The following PRKN variants were observed in gnomAD, a reference collection of about 807,000 sequenced individuals.
PRKN encodes parkin RBR E3 ubiquitin protein ligase, also known as E3 ubiquitin-protein ligase parkin.
In PRKN, 56 loss-of-function variants were observed where a neutral mutation model predicts 59.5. That is an observed-to-expected ratio of 0.94 (90% CI 0.76 to 1.18). The LOEUF is 1.18. Among genes scored for constraint, PRKN ranks in the 50% most tolerant of loss-of-function variants. The probability of loss-of-function intolerance (pLI) is 0.00; values close to 1 mark genes in which losing one functional copy is unlikely to be tolerated. For synonymous variants in PRKN, 250 were observed against 222.1 expected (o/e 1.13, Z -1.12); for missense variants, 657 against 596.4 (o/e 1.10, Z -1.06).
At chr6:161,863,028 T>C (rs1338827062) in intron 6 of PRKN, among the ~76,000 whole-genome samples, 1 of 152,140 alleles carries the variant, frequency 6.6e-6, no homozygotes, top group Non-Finnish European at 1.5e-5. Context: ...TCAAGAAGAA[T>C]CAAGCTGCTT....
intron 2 of PRKN, among the ~76,000 whole-genome samples, chr6:162,316,664 T>A (rs1782765972): frequency 6.6e-6 from 1 of 152,052 alleles, no homozygotes; most frequent in Non-Finnish European, 1.5e-5. Context: ...TTTATGCTAA[T>A]TAGGCTTGAA....
intron 6 of PRKN, among the ~76,000 whole-genome samples, chr6:161,960,629 A>T (rs1780345224): frequency 6.6e-6 from 1 of 152,238 alleles, no homozygotes; most frequent in South Asian, 2.1e-4. Flanking sequence ...ATGGGTTTTA[A>T]GCAAACTGGG....
At chr6:162,440,912 T>C (rs1436225489) in intron 2 of PRKN, among the ~76,000 whole-genome samples, 2 of 151,948 alleles carry the variant, frequency 1.3e-5, no homozygotes, top group African/African-American at 4.8e-5. Context: ...GATGCTAAAA[T>C]TCTGCCAGTT....
intron 7 of PRKN, among the ~76,000 whole-genome samples, chr6:161,780,181 G>A (rs543416900): frequency 1.3e-5 from 2 of 152,192 alleles, no homozygotes; most frequent in Non-Finnish European, 2.9e-5. Context: ...CTAAGGTGAA[G>A]AACCTTGCCC....
At chr6:161,535,158 C>T (rs1240960722) in intron 9 of PRKN, among the ~76,000 whole-genome samples, 2 of 152,186 alleles carry the variant, frequency 1.3e-5, no homozygotes, top group Non-Finnish European at 2.9e-5. Context: ...CAGTTTATGG[C>T]ACTACTGAAT....
At chr6:162,286,226 C>T (rs545165541) in intron 2 of PRKN, among the ~76,000 whole-genome samples, 45 of 152,196 alleles carry the variant, frequency 3.0e-4, no homozygotes, top group African/African-American at 7.0e-4. Flanking sequence ...GGTTTTATCA[C>T]GTTTATTTGC....
At chr6:162,500,755 C>T (rs916007215) in intron 1 of PRKN, among the ~76,000 whole-genome samples, 2 of 152,156 alleles carry the variant, frequency 1.3e-5, no homozygotes, top group Admixed American at 1.3e-4. Flanking sequence ...GATATGCTAT[C>T]TGTATATAAC....
chr6:161,999,278 G>A (rs562031379), intron 5 of PRKN, among the ~76,000 whole-genome samples: 2 of 152,184 alleles, frequency 1.3e-5, no homozygotes, highest in Admixed American at 1.3e-4. Flanking sequence ...CCTGCTTGGG[G>A]TGGGGCGGAG....
At chr6:161,439,178 G>A (rs932748843) in intron 9 of PRKN, among the ~76,000 whole-genome samples, 2 of 152,232 alleles carry the variant, frequency 1.3e-5, no homozygotes, top group African/African-American at 4.8e-5. Context: ...TGCCGCAGCT[G>A]AAAGGAAGCT....
intron 9 of PRKN, among the ~76,000 whole-genome samples, chr6:161,490,999 G>A (rs577745274): frequency 3.9e-4 from 59 of 152,198 alleles, no homozygotes; most frequent in African/African-American, 1.4e-3. Flanking sequence ...AGCCAAGCAG[G>A]TGCCAGCATC....
intron 6 of PRKN, among the ~76,000 whole-genome samples, chr6:161,919,356 G>A (rs1040773985): frequency 2.0e-5 from 3 of 152,320 alleles, no homozygotes; most frequent in South Asian, 4.2e-4. Flanking sequence ...GCTGAAGGTG[G>A]GAGTGAGGAT....
intron 9 of PRKN, among the ~76,000 whole-genome samples, chr6:161,505,964 C>T (rs1562492034): frequency 6.6e-6 from 1 of 151,756 alleles, no homozygotes; most frequent in Non-Finnish European, 1.5e-5. Context: ...CAGCGTGATG[C>T]CTCCAGCTTT....
At chr6:162,604,055 G>C (rs1311693999) in intron 1 of PRKN, among the ~76,000 whole-genome samples, 2 of 152,144 alleles carry the variant, frequency 1.3e-5, no homozygotes, top group Non-Finnish European at 2.9e-5. Context: ...TGCCTGACTT[G>C]AATGCAGAGA....
chr6:161,992,879 GAA>G (rs1339105344), intron 5 of PRKN, among the ~76,000 whole-genome samples: 1 of 151,912 alleles, frequency 6.6e-6, no homozygotes, highest in Admixed American at 6.5e-5. Context: ...AAGAAACTAA[GAA>G]GAAAACCAAA....
At chr6:161,751,385 A>AT (rs1416634340) in intron 7 of PRKN, among the ~76,000 whole-genome samples, 1 of 152,226 alleles carries the variant, frequency 6.6e-6, no homozygotes, top group Non-Finnish European at 1.5e-5. Context: ...CGCCTATCAA[A>AT]TATTAAAGCC....
chr6:162,188,863 A>G (rs1784142922), intron 4 of PRKN, among the ~76,000 whole-genome samples: 2 of 151,978 alleles, frequency 1.3e-5, no homozygotes, highest in Non-Finnish European at 2.9e-5. Context: ...GCTCTTTAAC[A>G]ATGAAAACAG....
At chr6:161,963,177 C>A (rs1369701601) in intron 6 of PRKN, among the ~76,000 whole-genome samples, 1 of 151,936 alleles carries the variant, frequency 6.6e-6, no homozygotes, top group Non-Finnish European at 1.5e-5. Context: ...AACAAACAAA[C>A]AAAAAACACC....
intron 6 of PRKN, among the ~76,000 whole-genome samples, chr6:161,936,279 G>A (rs886082240): frequency 4.7e-5 from 7 of 148,810 alleles, no homozygotes; most frequent in African/African-American, 9.9e-5. Flanking sequence ...GTGTGATCTC[G>A]GCTCATTGCA....
chr6:162,052,462 T>C (rs1188844427), intron 5 of PRKN, among the ~76,000 whole-genome samples: 3 of 152,198 alleles, frequency 2.0e-5, no homozygotes, highest in East Asian at 3.9e-4. Flanking sequence ...TTATTCACCA[T>C]GGCTTGTTTC....
Sources: allele counts gnomAD v4.1 joint callset (sites outside exome capture counted in the v4.1 genomes callset), GRCh38; gene constraint gnomAD v4.1.1; transcripts MANE v1.5; gene names NCBI Gene and HGNC (gene_info 2026-07-23, HGNC 2026-07-21).